Variants in SDK2 observed in about 807,000 individuals in gnomAD.
The protein encoded by SDK2 is sidekick cell adhesion molecule 2.
Under a neutral mutation model 253.9 loss-of-function variants are expected in SDK2, and 105 were observed. That is an observed-to-expected ratio of 0.41 (90% CI 0.35 to 0.49). The LOEUF (loss-of-function observed/expected upper bound fraction) is 0.49. SDK2 is among the 20% of genes least tolerant of loss of function. The probability of loss-of-function intolerance (pLI) is 0.06; values close to 1 mark genes in which losing one functional copy is unlikely to be tolerated. For synonymous variants in SDK2, 1,249 were observed against 1,234.9 expected (o/e 1.01, Z -0.24); for missense variants, 2,608 against 3,003.0 (o/e 0.87, Z 3.07).
chr17:73,532,490 G>A (rs577919471), intron 1 of SDK2, among the ~76,000 whole-genome samples: 2 of 152,296 alleles, frequency 1.3e-5, no homozygotes, highest in Admixed American at 1.3e-4. Context: ...CAGGTGGCAG[G>A]GGAGGAGGCT....
intron 2 of SDK2, among the ~76,000 whole-genome samples, chr17:73,480,376 A>T (rs1468145516): frequency 6.6e-6 from 1 of 152,158 alleles, no homozygotes; most frequent in African/African-American, 2.4e-5. Context: ...CTAAATTTTG[A>T]TCTAGGCCAT....
intron 39 of SDK2, among the ~76,000 whole-genome samples, 169 bp from the exon 40 acceptor site, chr17:73,358,373 G>C (rs1031003363): frequency 6.6e-6 from 1 of 152,170 alleles, no homozygotes; most frequent in Non-Finnish European, 1.5e-5. Flanking sequence ...GGCTGGGCCT[G>C]CCAGGATGGA....
At chr17:73,474,611 G>A (rs893653828) in intron 2 of SDK2, among the ~76,000 whole-genome samples, 14 of 152,186 alleles carry the variant, frequency 9.2e-5, no homozygotes, top group Non-Finnish European at 1.3e-4. Flanking sequence ...GTGTGATGGC[G>A]GGGAGACAGC....
At chr17:73,579,092 G>C (rs953948016) in intron 1 of SDK2, among the ~76,000 whole-genome samples, 1 of 151,890 alleles carries the variant, frequency 6.6e-6, no homozygotes, top group Admixed American at 6.6e-5. Context: ...GGCCCTGCCA[G>C]TTCTAGCTCT....
chr17:73,633,990 G>T (rs915082884), intron 1 of SDK2, among the ~76,000 whole-genome samples: 3 of 151,978 alleles, frequency 2.0e-5, no homozygotes, highest in Non-Finnish European at 4.4e-5. Context: ...TGGCAGGTAG[G>T]GCCAGATTGT....
chr17:73,399,567 G>A (rs12945051), intron 21 of SDK2, among the ~76,000 whole-genome samples: 99,674 of 152,044 alleles, frequency 0.66, 33,205 homozygotes, highest in Non-Finnish European at 0.7. Flanking sequence ...CCGGGATGCC[G>A]CCTTCTTCCT....
Position 73,394,191 on chromosome 17 carries a change from T to C in SDK2, c.3708+18A>G. 1.3e-6 allele frequency: 2 copies of C among 1,486,148 alleles called. No homozygotes were observed. Among genetic ancestry groups the C allele is most frequent in the South Asian group, 1.4e-5 (1 of 72,182 alleles). The allele number at this position is 1,486,148 out of a possible 1,614,324, so 92.1% of individuals were successfully genotyped here. Reference sequence around the variant, plus strand: ...GGGCCAGTGTAGGGACCCCACCTCCTGGGATCCCGGGACTCACCTTATAGC... The same window carrying C: ...GGGCCAGTGTAGGGACCCCACCTCCCGGGATCCCGGGACTCACCTTATAGC... On this transcript the variant is annotated intron_variant, in intron 26 of 44. Transcript: ENST00000392650.
In SDK2 at chr17:73,457,336, T is replaced by C. The variant is rs868072576; in HGVS notation, c.332-1283A>G. Among the ~76,000 whole-genome samples the C allele has an allele frequency of 7.2e-3, 842 of 117,676 alleles. 14 individuals carry two copies. The highest frequency in any genetic ancestry group is 0.019 in the African/African-American group (578 of 31,014). 77.2% of individuals were successfully genotyped at this position (117,676 alleles called of 152,430 possible). A position where few individuals can be genotyped will look rare whatever the true frequency, so the allele number is the denominator to read the frequency against. The stretch of plus-strand genomic sequence containing the variant: ...CCCTCCCCTCTCCTCCCCTCCCCTC[T>C]CCTCTCCTCTCTTTCTTTCTTTCTT... On this transcript the variant is annotated intron_variant, in intron 3 of 44. Transcript: ENST00000392650.
chr17:73,592,971 A>ACTCT (rs2045704436), intron 1 of SDK2, among the ~76,000 whole-genome samples: 2 of 144,204 alleles, frequency 1.4e-5, no homozygotes, highest in East Asian at 4.3e-4. Context: ...CCGGTGTCAC[A>ACTCT]GGATCACCCC....
chr17:73,551,182 G>A (rs1047442207), intron 1 of SDK2, among the ~76,000 whole-genome samples: 6 of 152,296 alleles, frequency 3.9e-5, no homozygotes, highest in Non-Finnish European at 5.9e-5. Context: ...GACTCCACGC[G>A]CACCTTGTCT....
rs1464162399 is a variant in SDK2 at position 73,424,076 on chromosome 17, C to T, written c.1600G>A (p.Asp534Asn). The T allele has an allele frequency of 2.5e-6, 4 of 1,612,216 alleles. No individual in the cohort carries two copies. The Admixed American group carries it at 6.7e-5, about 27-fold the overall frequency. ...RVTIRYIWEK[D>N]GATLGTESHP... ...CTCTCCGTGCCCAGGGTGGCCCCGT[C>T]CTTCTCCCAGATGTACCTAAAAGTA... is the stretch of plus-strand genomic sequence containing the variant. Residue 534 changes from aspartate (D) to asparagine (N), a missense_variant, in exon 13 of 45, where the codon GAC (aspartate) becomes AAC (asparagine). Asp to Asn is a conservative substitution (Grantham distance 23). Coordinates refer to ENST00000392650, the MANE Select transcript of SDK2 (RefSeq NM_001144952.2).
chr17:73,341,675 T>C (rs558464510), intron 44 of SDK2, among the ~76,000 whole-genome samples: 6 of 152,316 alleles, frequency 3.9e-5, no homozygotes, highest in Admixed American at 2.0e-4. Context: ...TGGGGACCTT[T>C]GTCCAGAGGG....
intron 1 of SDK2, among the ~76,000 whole-genome samples, chr17:73,543,837 A>C (rs2044911203): frequency 6.6e-6 from 1 of 152,226 alleles, no homozygotes; most frequent in Non-Finnish European, 1.5e-5. Context: ...CCGCTCTACA[A>C]GTGTGAACTG....
intron 32 of SDK2, 96 bp from the exon 33 acceptor site, chr17:73,384,107 G>A: frequency 7.3e-7 from 1 of 1,361,562 alleles, no homozygotes; most frequent in Non-Finnish European, 1.0e-6. Flanking sequence ...ACAGAGCAGG[G>A]ACTATGTTTT....
intron 1 of SDK2, chr17:73,518,906 T>C (rs1023896076): frequency 2.0e-5 from 3 of 152,022 alleles, no homozygotes; most frequent in South Asian, 4.2e-4. Context: ...AATTGATCAA[T>C]GGCCTGGCCG....
intron 1 of SDK2, among the ~76,000 whole-genome samples, chr17:73,521,572 C>G (rs575248350): frequency 6.6e-6 from 1 of 152,264 alleles, no homozygotes; most frequent in Non-Finnish European, 1.5e-5. Context: ...TGCCTGTACT[C>G]AGGAGCTTCT....
chr17:73,523,043 C>G (rs1292566993), intron 1 of SDK2, among the ~76,000 whole-genome samples: 2 of 152,208 alleles, frequency 1.3e-5, no homozygotes, highest in Admixed American at 6.5e-5. Flanking sequence ...CTAGCCCAAC[C>G]TCTCTTGCTG....
chr17:73,560,290 G>A (rs1363213707), intron 1 of SDK2, among the ~76,000 whole-genome samples: 3 of 152,242 alleles, frequency 2.0e-5, no homozygotes, highest in Non-Finnish European at 4.4e-5. Flanking sequence ...GGCTGGAGCT[G>A]GGCTGGAGGC....
At chr17:73,373,127 T>C (rs2062750733) in intron 36 of SDK2, among the ~76,000 whole-genome samples, 1 of 152,244 alleles carries the variant, frequency 6.6e-6, no homozygotes, top group Non-Finnish European at 1.5e-5. Flanking sequence ...GCAGTATTTG[T>C]CTTTCTGTGC....
Sources: allele counts gnomAD v4.1 joint callset (sites outside exome capture counted in the v4.1 genomes callset), GRCh38; gene constraint gnomAD v4.1.1; transcripts MANE v1.5; gene names NCBI Gene and HGNC (gene_info 2026-07-23, HGNC 2026-07-21).